The following HDAC9 variants were observed in gnomAD, a reference collection of about 807,000 sequenced individuals.
HDAC9 encodes the protein MEF-2 interacting transcription repressor (MITR) protein.
Under a neutral mutation model 139.4 loss-of-function variants are expected in HDAC9, and 41 were observed. The observed-to-expected ratio is 0.29, with a 90% CI of 0.23 to 0.38. The LOEUF (loss-of-function observed/expected upper bound fraction) is 0.38, where lower values mean the gene tolerates loss of function less well. Among genes scored for constraint, HDAC9 ranks in the 10% least tolerant of loss-of-function variants. The probability of loss-of-function intolerance (pLI) is 1.00; values close to 1 mark genes in which losing one functional copy is unlikely to be tolerated. For missense variants in HDAC9, 1,147 were observed against 1,297.0 expected, an observed-to-expected ratio of 0.88 and a Z score of 1.78; for synonymous variants, 517 against 476.2, an observed-to-expected ratio of 1.09 and a Z score of -1.12.
At chr7:18,279,273 C>A (rs1052497162) in intron 2 of HDAC9, among the ~76,000 whole-genome samples, 1 of 152,126 alleles carries the variant, frequency 6.6e-6, no homozygotes, top group Non-Finnish European at 1.5e-5. Context: ...GCCTGCCTGG[C>A]TTTTCCACCA....
intron 1 of HDAC9, among the ~76,000 whole-genome samples, chr7:18,109,737 C>T (rs764156576): frequency 2.6e-5 from 4 of 151,980 alleles, no homozygotes; most frequent in South Asian, 2.1e-4. Context: ...TCATGTGGTG[C>T]GCCAACCAAG....
At chr7:18,782,198 T>G (rs1378746190) in intron 16 of HDAC9, among the ~76,000 whole-genome samples, 3 of 152,084 alleles carry the variant, frequency 2.0e-5, no homozygotes, top group African/African-American at 7.2e-5. Flanking sequence ...TTCCCAACTT[T>G]CAGGGTGAAA....
intron 22 of HDAC9, among the ~76,000 whole-genome samples, chr7:18,893,044 A>G (rs1266734706): frequency 2.0e-5 from 3 of 149,522 alleles, no homozygotes; most frequent in African/African-American, 7.4e-5. Flanking sequence ...AAAAAAAAAA[A>G]AAAAAAAAAA....
At chr7:18,645,037 TA>T (rs35779976) in intron 9 of HDAC9, among the ~76,000 whole-genome samples, 18 of 151,180 alleles carry the variant, frequency 1.2e-4, no homozygotes, top group Non-Finnish European at 1.8e-4. Flanking sequence ...TTATAGCTTT[TA>T]AAAAAAAAGC....
chr7:18,335,525 T>C (rs1781520746), intron 1 of HDAC9, among the ~76,000 whole-genome samples: 1 of 151,548 alleles, frequency 6.6e-6, no homozygotes, highest in African/African-American at 2.4e-5. Flanking sequence ...TTTTCATTGC[T>C]TTAACTTGCA....
intron 12 of HDAC9, among the ~76,000 whole-genome samples, chr7:18,701,475 A>T (rs1783484282): frequency 6.6e-6 from 1 of 151,792 alleles, no homozygotes; most frequent in Non-Finnish European, 1.5e-5. Context: ...ATGAAACTCA[A>T]CTGGTTAGTC....
chr7:18,397,912 A>C (rs1787198305), intron 1 of HDAC9, among the ~76,000 whole-genome samples: 1 of 152,122 alleles, frequency 6.6e-6, no homozygotes, highest in South Asian at 2.1e-4. Flanking sequence ...AGCCTCCCAA[A>C]CCAGGTATTG....
intron 1 of HDAC9, among the ~76,000 whole-genome samples, chr7:18,399,647 TCA>T (rs566809812): frequency 1.3e-5 from 2 of 152,302 alleles, no homozygotes; most frequent in South Asian, 2.1e-4. Context: ...TCACATTTTC[TCA>T]GAGGAGTACT....
chr7:18,416,101 C>G (rs1789033376), intron 1 of HDAC9, among the ~76,000 whole-genome samples: 1 of 152,110 alleles, frequency 6.6e-6, no homozygotes. Context: ...TGAGACCAGC[C>G]TGACCATCAT....
intron 12 of HDAC9, among the ~76,000 whole-genome samples, chr7:18,710,573 C>A (rs1584891882): frequency 6.6e-6 from 1 of 151,884 alleles, no homozygotes; most frequent in East Asian, 1.9e-4. Context: ...TAATCAAAGC[C>A]CAAAGGAGGT....
intron 6 of HDAC9, among the ~76,000 whole-genome samples, chr7:18,618,726 G>GTGTATATATA (rs71553930): frequency 3.3e-5 from 4 of 120,038 alleles, no homozygotes; most frequent in African/African-American, 8.5e-5. Flanking sequence ...ACAGAATTTT[G>GTGTATATATA]TATATATATA....
intron 1 of HDAC9, among the ~76,000 whole-genome samples, chr7:18,159,465 T>A (rs1200101808): frequency 1.3e-5 from 2 of 152,190 alleles, no homozygotes; most frequent in Non-Finnish European, 2.9e-5. Context: ...TTCTTTCTTT[T>A]CCAGGCAACT....
chr7:18,951,333 G>C (rs907623647), intron 23 of HDAC9, among the ~76,000 whole-genome samples: 1 of 151,942 alleles, frequency 6.6e-6, no homozygotes, highest in Non-Finnish European at 1.5e-5. Context: ...AAATTTCCCT[G>C]TCACTGAGCC....
At chr7:18,487,045 G>T (rs1319522394) in intron 1 of HDAC9, among the ~76,000 whole-genome samples, 2 of 152,062 alleles carry the variant, frequency 1.3e-5, no homozygotes, top group South Asian at 4.1e-4. Context: ...TGGTGCACCA[G>T]CAAGGGCTTC....
chr7:18,544,193 A>C (rs1813964318), intron 2 of HDAC9, among the ~76,000 whole-genome samples: 1 of 152,176 alleles, frequency 6.6e-6, no homozygotes, highest in South Asian at 2.1e-4. Flanking sequence ...AGGTGACAAC[A>C]CTGGAGGTGG....
chr7:18,269,357 A>G (rs1029400502), intron 2 of HDAC9, among the ~76,000 whole-genome samples: 6 of 152,136 alleles, frequency 3.9e-5, no homozygotes, highest in African/African-American at 1.4e-4. Context: ...TTAAGAGGTA[A>G]TTTTCCAAGC....
intron 23 of HDAC9, among the ~76,000 whole-genome samples, chr7:18,937,557 T>C (rs1034881976): frequency 6.6e-6 from 1 of 152,232 alleles, no homozygotes; most frequent in African/African-American, 2.4e-5. Flanking sequence ...AATGCTATTT[T>C]TATTTTATAA....
intron 2 of HDAC9, among the ~76,000 whole-genome samples, chr7:18,559,358 A>G (rs1819860812): frequency 6.6e-6 from 1 of 152,080 alleles, no homozygotes; most frequent in Admixed American, 6.6e-5. Flanking sequence ...CTTATCCTTG[A>G]TGTTTATACT....
intron 2 of HDAC9, among the ~76,000 whole-genome samples, chr7:18,541,034 C>G (rs558100956): frequency 2.0e-5 from 3 of 151,652 alleles, no homozygotes; most frequent in African/African-American, 7.3e-5. Context: ...GTATTTGACT[C>G]CAAAGCACAC....
Sources: gnomAD v4.1 joint callset for allele counts (sites outside exome capture counted in the v4.1 genomes callset) on GRCh38, gnomAD v4.1.1 for gene constraint, MANE v1.5 for transcripts, NCBI Gene and HGNC (gene_info 2026-07-23, HGNC 2026-07-21) for gene names.